Variants in NTN1 observed in about 807,000 individuals in gnomAD.
NTN1 encodes the protein netrin-1.
Under a neutral mutation model 54.2 loss-of-function variants are expected in NTN1, and 11 were observed. That is an observed-to-expected ratio of 0.20 (90% CI 0.13 to 0.34). The LOEUF is 0.34. Among genes scored for constraint, NTN1 ranks in the 10% least tolerant of loss-of-function variants. The pLI is 1.00. For synonymous variants in NTN1, 371 were observed against 382.0 expected, an observed-to-expected ratio of 0.97 and a Z score of 0.33; for missense variants, 740 against 893.1, an observed-to-expected ratio of 0.83 and a Z score of 2.18.
chr17:9,182,233 G>GCC (rs2092420640), intron 4 of NTN1, among the ~76,000 whole-genome samples: 1 of 152,006 alleles, frequency 6.6e-6, no homozygotes, highest in South Asian at 2.1e-4. Flanking sequence ...CCCCAAACGT[G>GCC]TTGGGCCCCA....
At chr17:9,169,993 G>T (rs1385040269) in intron 3 of NTN1, among the ~76,000 whole-genome samples, 1 of 152,230 alleles carries the variant, frequency 6.6e-6, no homozygotes, top group Admixed American at 6.5e-5. Context: ...AGCGTTAAGG[G>T]CATTTTACTT....
At chr17:9,226,250 C>G (rs940270087) in intron 6 of NTN1, among the ~76,000 whole-genome samples, 12 of 151,888 alleles carry the variant, frequency 7.9e-5, no homozygotes, top group Admixed American at 2.0e-4. Context: ...ACGCAGGTTC[C>G]TAATTTGCTG....
chr17:9,116,400 G>C (rs942037039), intron 2 of NTN1, among the ~76,000 whole-genome samples: 1 of 148,444 alleles, frequency 6.7e-6, no homozygotes, highest in African/African-American at 2.5e-5. Flanking sequence ...AAGTCGAGCT[G>C]GGTGATTTCT....
intron 2 of NTN1, among the ~76,000 whole-genome samples, chr17:9,106,491 T>C (rs868867355): frequency 9.2e-5 from 12 of 130,986 alleles, no homozygotes; most frequent in South Asian, 2.6e-4. Context: ...CTTCCTTCCT[T>C]CCTTCCTTCC....
At chr17:9,116,822 G>A (rs1039502795) in intron 2 of NTN1, among the ~76,000 whole-genome samples, 14 of 150,662 alleles carry the variant, frequency 9.3e-5, no homozygotes, top group Non-Finnish European at 2.9e-5. Context: ...AAGGTAGACA[G>A]GAAGGAGAAA....
intron 2 of NTN1, among the ~76,000 whole-genome samples, chr17:9,141,481 C>T (rs1349320072): frequency 6.6e-6 from 1 of 152,116 alleles, no homozygotes; most frequent in Non-Finnish European, 1.5e-5. Flanking sequence ...ATATGGCAGA[C>T]TTAGGTGGCC....
At chr17:9,129,684 T>C (rs1450213775) in intron 2 of NTN1, among the ~76,000 whole-genome samples, 2 of 152,158 alleles carry the variant, frequency 1.3e-5, no homozygotes, top group African/African-American at 2.4e-5. Context: ...TACTGTCACC[T>C]CCCGTGCCAT....
chr17:9,202,500 G>A (rs1005759700), intron 5 of NTN1, among the ~76,000 whole-genome samples: 5 of 152,168 alleles, frequency 3.3e-5, no homozygotes, highest in African/African-American at 4.8e-5. Flanking sequence ...CTTTCCTAAA[G>A]CAAACCCGAT....
chr17:9,095,434 A>G (rs2092128099), intron 2 of NTN1, among the ~76,000 whole-genome samples: 1 of 152,238 alleles, frequency 6.6e-6, no homozygotes, highest in Non-Finnish European at 1.5e-5. Context: ...CATTCCTAAA[A>G]TGATCTGATG....
At chr17:9,070,161 C>G (rs2092027843) in intron 2 of NTN1, among the ~76,000 whole-genome samples, 1 of 152,180 alleles carries the variant, frequency 6.6e-6, no homozygotes, top group Non-Finnish European at 1.5e-5. Flanking sequence ...GGGCAAATGT[C>G]TTAGGTGCAC....
intron 2 of NTN1, among the ~76,000 whole-genome samples, chr17:9,026,223 G>A (rs888012894): frequency 6.6e-6 from 1 of 151,906 alleles, no homozygotes; most frequent in Non-Finnish European, 1.5e-5. Flanking sequence ...ACAGTCCTTC[G>A]ACATAGGGCC....
the NTN1 span, among the ~76,000 whole-genome samples, chr17:9,008,872 C>G: frequency 3.3e-5 from 5 of 152,234 alleles, no homozygotes; most frequent in South Asian, 1.0e-3. Flanking sequence ...CAAACCCCAG[C>G]TCTACTAAAA....
rs1337230198 is a variant in NTN1, at chr17:9,179,839, A to G, written c.1240A>G (p.Lys414Glu). 6.2e-7 allele frequency: 1 copy of G among 1,613,892 alleles called. No homozygotes were observed. Among genetic ancestry groups the G allele is most frequent in the Non-Finnish European group, 8.5e-7 (1 of 1,179,986 alleles). Residue 414 changes from lysine to glutamate, a missense_variant, in exon 4 of 7, where the codon AAA becomes GAA. Coordinates refer to ENST00000173229, the MANE Select transcript of NTN1 (RefSeq NM_004822.3). ...TTGCCACCCTGTGGGTGCTGCTGGC[A>G]AAACCTGCAACCAAACCACCGGCCA... ...CDCHPVGAAG[K>E]TCNQTTGQCP...
At chr17:9,194,496 T>G (rs1480486148) in intron 5 of NTN1, among the ~76,000 whole-genome samples, 1 of 152,142 alleles carries the variant, frequency 6.6e-6, no homozygotes, top group Non-Finnish European at 1.5e-5. Flanking sequence ...TTATTTCAGG[T>G]GTTTAAACCG....
At chr17:9,214,926 T>C (rs1046041038) in intron 5 of NTN1, among the ~76,000 whole-genome samples, 9 of 152,228 alleles carry the variant, frequency 5.9e-5, no homozygotes, top group African/African-American at 2.2e-4. Flanking sequence ...CATTGTTTTG[T>C]CTTTAGTGGT....
intron 2 of NTN1, among the ~76,000 whole-genome samples, chr17:9,115,324 G>T (rs1161780494): frequency 6.6e-6 from 1 of 152,218 alleles, no homozygotes; most frequent in African/African-American, 2.4e-5. Context: ...CAATGGAGGT[G>T]GTTTTGAGGT....
Position 9,239,494 on chromosome 17 carries a change from T to C in NTN1, c.1487-146T>C. ...AGCAGGTGGGGGTCTACGATCAGCT[T>C]GCCACCACCCACGCGCTCCTGTATG... is the stretch of plus-strand genomic sequence containing the variant. On this transcript the variant is annotated intron_variant, in intron 6 of 6. Coordinates refer to ENST00000173229, the MANE Select transcript of NTN1 (RefSeq NM_004822.3). The surrounding 1 kb of genome is among the most constrained non-coding windows in gnomAD (Gnocchi z 5.2). The C allele has an allele frequency of 2.8e-6, 2 of 706,212 alleles. No individual in the cohort carries two copies. The allele number at this position is 706,212 out of a possible 1,614,324, so 43.7% of individuals were successfully genotyped here. A position where few individuals can be genotyped will look rare whatever the true frequency, so the allele number is the denominator to read the frequency against.
At chr17:9,138,403 G>A (rs2092287498) in intron 2 of NTN1, among the ~76,000 whole-genome samples, 1 of 152,136 alleles carries the variant, frequency 6.6e-6, no homozygotes, top group Non-Finnish European at 1.5e-5. Flanking sequence ...GAGCGGGCTT[G>A]GAAGGAGGAC....
chr17:9,112,573 C>T (rs2092195539), intron 2 of NTN1, among the ~76,000 whole-genome samples: 1 of 141,322 alleles, frequency 7.1e-6, no homozygotes, highest in African/African-American at 2.7e-5. Context: ...TGCCTGTAAT[C>T]CCAGCACTTT....
Sources: gnomAD v4.1 joint callset for allele counts (sites outside exome capture counted in the v4.1 genomes callset) on GRCh38, gnomAD v4.1.1 for gene constraint, Gnocchi (gnomAD v3.1) non-coding constraint, MANE v1.5 for transcripts, NCBI Gene and HGNC (gene_info 2026-07-23, HGNC 2026-07-21) for gene names.